MCAT: variants seen among roughly 807,000 people sequenced by gnomAD.
MCAT encodes the protein malonyl-CoA-acyl carrier protein transacylase, mitochondrial.
Under a neutral mutation model 22.9 loss-of-function variants are expected in MCAT, and 22 were observed. That is an observed-to-expected ratio of 0.96 (90% confidence interval 0.69 to 1.37). The LOEUF is 1.37. MCAT is among the 40% of genes most tolerant of loss of function. MCAT has a pLI of 0.00. For synonymous variants in MCAT, 240 were observed against 233.9 expected (o/e 1.03, Z -0.24); for missense variants, 534 against 533.6 (o/e 1.00, Z -0.01).
At position 43,133,456 on chromosome 22, in the gene MCAT, T is replaced by G; in HGVS notation, c.760A>C (p.Lys254Gln). The G allele has an allele frequency of 6.2e-7, 1 of 1,613,110 alleles. No homozygotes were observed. The highest frequency in any genetic ancestry group is 8.5e-7 in the Non-Finnish European group (1 of 1,179,668). The change falls in exon 4 of 4, where the codon AAG becomes CAG. Residue 254 changes from lysine (K) to glutamine (Q), a missense_variant. Physicochemically the swap from Lys to Gln is moderately conservative, Grantham distance 53. Coordinates refer to ENST00000290429, the MANE Select transcript of MCAT (RefSeq NM_173467.5). ...ATCCTGGTGCGTCTGAAATGAAACT[T>G]AGAGGAATTCTTCTGGAGAAACCGT... Reference protein sequence around the residue: ...ALRFLQKNSSKFHFRRTRMLP... With the variant: ...ALRFLQKNSSQFHFRRTRMLP...
intron 3 of MCAT, among the ~76,000 whole-genome samples, chr22:43,136,769 T>C (rs1465558035): frequency 6.6e-6 from 1 of 152,194 alleles, no homozygotes; most frequent in African/African-American, 2.4e-5. Flanking sequence ...AGCAACCAGA[T>C]CACAGGCTCC....
intron 3 of MCAT, among the ~76,000 whole-genome samples, chr22:43,136,315 G>A (rs1330937471): frequency 6.6e-6 from 1 of 152,254 alleles, no homozygotes; most frequent in Non-Finnish European, 1.5e-5. Flanking sequence ...CATGAAGTAA[G>A]ACAGAAATGC....
Position 43,135,503 on chromosome 22 carries a change from C to CAA in MCAT, c.729+1576_729+1577dup, listed in dbSNP as rs1270132344. ...TGGATGACAGAGTAAGACATTGTCT[C>CAA]AAAAAACAAAAAAAAAAAAAAAAAA... On this transcript the variant is annotated intron_variant, in intron 3 of 3. Transcript: ENST00000290429. Among the ~76,000 whole-genome samples, 288 of 32,926 alleles carry CAA rather than the reference C, an allele frequency of 8.7e-3. 6 individuals carry two copies. The highest frequency in any genetic ancestry group is 0.025 in the African/African-American group (263 of 10,630). 21.6% of individuals were successfully genotyped at this position (32,926 alleles called of 152,430 possible).
intron 2 of MCAT, among the ~76,000 whole-genome samples, chr22:43,138,520 T>G (rs1930684247): frequency 6.6e-6 from 1 of 152,186 alleles, no homozygotes. Flanking sequence ...GCAGATCACT[T>G]GAGCTCAGGA....
intron 3 of MCAT, 83 bp from the exon 4 acceptor site, chr22:43,133,569 G>T: frequency 9.3e-7 from 1 of 1,075,622 alleles, no homozygotes. Context: ...GCCAAACTGG[G>T]AGGGTGACCA....
chr22:43,132,469 G>T lies in MCAT; in HGVS notation c.*574C>A. On this transcript the variant is annotated 3_prime_UTR_variant, in exon 4 of 4. Transcript: ENST00000290429. ...CAGAACAGAGCGCACTCACTCTCTA[G>T]CACACAGCAGGCAATACATATCTCT... 1 of 159,040 alleles carries T rather than the reference G, an allele frequency of 6.3e-6. No individual in the cohort carries two copies. Among genetic ancestry groups the T allele is most frequent in the Non-Finnish European group, 1.4e-5 (1 of 71,484 alleles). The allele number at this position is 159,040 out of a possible 1,614,324, so 9.9% of individuals were successfully genotyped here.
intron 3 of MCAT, among the ~76,000 whole-genome samples, chr22:43,134,222 A>G (rs946602169): frequency 1.3e-5 from 2 of 152,132 alleles, no homozygotes; most frequent in African/African-American, 4.8e-5. Context: ...GTTTCTCTGG[A>G]GAAGGAAAGA....
intron 3 of MCAT, among the ~76,000 whole-genome samples, chr22:43,134,879 C>T (rs1047759738): frequency 6.6e-6 from 1 of 152,246 alleles, no homozygotes; most frequent in Admixed American, 6.5e-5. Context: ...GCCCCTCCCT[C>T]CACACCTAGA....
chr22:43,141,328 G>A (rs868241795), intron 1 of MCAT, 79 bp from the exon 2 acceptor site: 34 of 1,239,964 alleles, frequency 2.7e-5, no homozygotes, highest in South Asian at 9.6e-5. Flanking sequence ...GAGAGCTGGC[G>A]GGGTGTTCAG....
intron 3 of MCAT, among the ~76,000 whole-genome samples, chr22:43,133,857 G>C (rs1378105697): frequency 6.6e-6 from 1 of 150,524 alleles, no homozygotes; most frequent in Non-Finnish European, 1.5e-5. Flanking sequence ...CCAGGCTGGA[G>C]TGCAGTGGCA....
intron 2 of MCAT, among the ~76,000 whole-genome samples, chr22:43,140,656 T>C (rs1227910157): frequency 6.6e-6 from 1 of 152,120 alleles, no homozygotes; most frequent in East Asian, 1.9e-4. Context: ...ACGTAATTTT[T>C]GTTTTTTGTT....
intron 1 of MCAT, 124 bp from the exon 2 acceptor site, chr22:43,141,373 A>G: frequency 1.3e-6 from 1 of 758,712 alleles, no homozygotes; most frequent in South Asian, 1.5e-5. Context: ...AACTTGGTGC[A>G]CCAGCTGGAA....
intron 3 of MCAT, 70 bp from the exon 4 acceptor site, chr22:43,133,556 A>C: frequency 5.6e-6 from 7 of 1,249,954 alleles, no homozygotes; most frequent in Non-Finnish European, 7.7e-6. Context: ...GACCATTCAC[A>C]GGGCCAAACT....
chr22:43,133,960 C>A (rs1218528662), intron 3 of MCAT, among the ~76,000 whole-genome samples: 3 of 152,072 alleles, frequency 2.0e-5, no homozygotes, highest in African/African-American at 7.2e-5. Flanking sequence ...CGCCCGCCAC[C>A]ACGCCCGGCT....
rs1930488598 is a variant in MCAT, at chr22:43,132,969, A to AG, written c.*73dup. The stretch of plus-strand genomic sequence containing the variant: ...TCAGAGGAGGAGCCATTAGGAAGGT[A>AG]GGGGGCGACAGGCACAGCCTACAGC... On this transcript the variant is annotated 3_prime_UTR_variant, in exon 4 of 4. Transcript: ENST00000290429. 7.2e-7 allele frequency: 1 copy of AG among 1,389,772 alleles called. No individual in the cohort carries two copies. Among genetic ancestry groups the AG allele is most frequent in the Admixed American group, 2.1e-5 (1 of 47,926 alleles). 86.1% of individuals were successfully genotyped at this position (1,389,772 alleles called of 1,614,324 possible).
rs1466363288 is a variant in MCAT, at chr22:43,141,253, T to C, written c.424-4A>G. 2 of 1,612,696 alleles carry C rather than the reference T, an allele frequency of 1.2e-6. No homozygotes were observed. Among genetic ancestry groups the C allele is most frequent in the East Asian group, 2.2e-5 (1 of 44,894 alleles). ...CAGCAACACAGTTCTCAATCACCTGTGGGGACAGATGCAGAACGTGAGCCC... is the reference window on the plus strand; with the variant it reads ...CAGCAACACAGTTCTCAATCACCTGCGGGGACAGATGCAGAACGTGAGCCC... On this transcript the variant is annotated splice_polypyrimidine_tract_variant and splice_region_variant and intron_variant, in intron 1 of 3. Transcript: ENST00000290429.
chr22:43,137,157 A>G lies in MCAT; in HGVS notation c.653T>C (p.Leu218Ser), dbSNP rs1459805027. ...TTCACATACGGGGTTCTCTATGCCT[A>G]AAGACTTGCAGTGTTCCCGGGCTTC... ...CLEAREHCKS[L>S]GIENPVCEVS... The change falls in exon 3 of 4, where the codon TTA becomes TCA. Residue 218 changes from leucine (L) to serine (S), a missense_variant. Leu to Ser is a moderately radical substitution (Grantham distance 145, BLOSUM62 -2). Transcript: ENST00000290429. The G allele has an allele frequency of 1.9e-6, 3 of 1,614,026 alleles. No homozygotes were observed. The African/African-American group carries it at 4.0e-5, about 22-fold the overall frequency.
intron 3 of MCAT, among the ~76,000 whole-genome samples, chr22:43,135,147 GC>G (rs1261976705): frequency 1.3e-5 from 2 of 152,244 alleles, no homozygotes; most frequent in African/African-American, 4.8e-5. Flanking sequence ...TTGGAAAGGG[GC>G]TTCCCCCCTG....
In MCAT at chr22:43,133,386, GC is replaced by G. The variant is rs1447837417; in HGVS notation, c.829del (p.Ala277ProfsTer5). 27 of 1,614,162 alleles carry G rather than the reference GC, an allele frequency of 1.7e-5. No individual in the cohort carries two copies. Among genetic ancestry groups the G allele is most frequent in the Non-Finnish European group, 2.3e-5 (27 of 1,180,024 alleles). Reference protein sequence around the residue: ...GAFHTRLMEPAVEPLTQALKA... With the variant: ...GAFHTRLMEPXVEPLTQALKA... ...TAAAGCTTGCGTCAGGGGCTCCACG[GC>G]TGGCTCCATGAGGCGGGTGTGGAAT... On this transcript the variant is annotated frameshift_variant, in exon 4 of 4. Transcript: ENST00000290429. LOFTEE classifies it low-confidence loss of function (END_TRUNC).
Sources: gnomAD v4.1 joint callset for allele counts (sites outside exome capture counted in the v4.1 genomes callset) on GRCh38, gnomAD v4.1.1 for gene constraint, MANE v1.5 for transcripts, NCBI Gene and HGNC (gene_info 2026-07-23, HGNC 2026-07-21) for gene names.